SLC6A15: variants seen among roughly 807,000 people sequenced by gnomAD.
SLC6A15 encodes sodium-dependent neutral amino acid transporter B(0)AT2.
A neutral mutation model predicts 68.5 loss-of-function variants in SLC6A15; 33 were observed. The observed-to-expected ratio is 0.48, with a 90% CI of 0.37 to 0.64. The LOEUF (loss-of-function observed/expected upper bound fraction) is 0.64, where lower values mean the gene tolerates loss of function less well. SLC6A15 is among the 30% of genes least tolerant of loss of function. SLC6A15 has a pLI of 0.00. For synonymous variants in SLC6A15, 347 were observed against 301.0 expected, an observed-to-expected ratio of 1.15 and a Z score of -1.58; for missense variants, 747 against 874.3, an observed-to-expected ratio of 0.85 and a Z score of 1.84.
chr12:84,892,285 G>A lies in SLC6A15; in HGVS notation c.-165C>T, dbSNP rs576709979. ...ATAAAGCCTTATGGATTCTGAATCCGTATGTCCAGTATTCTGTAGGTACCT... is the reference window on the plus strand; with the variant it reads ...ATAAAGCCTTATGGATTCTGAATCCATATGTCCAGTATTCTGTAGGTACCT... On this transcript the variant is annotated 5_prime_UTR_variant, in exon 2 of 12. In the 5' UTR this introduces an upstream ATG that the reference lacks. Transcript: ENST00000266682. The A allele has an allele frequency of 1.2e-5, 7 of 591,936 alleles. No homozygotes were observed. Among genetic ancestry groups the A allele is most frequent in the Non-Finnish European group, 2.0e-5 (7 of 351,544 alleles). The allele number at this position is 591,936 out of a possible 1,614,324, so 36.7% of individuals were successfully genotyped here.
Position 84,891,938 on chromosome 12 carries a change from T to G in SLC6A15, c.183A>C (p.Arg61Ser). ...ATTGTAGTTTACTGTTCCAAGCTGG[T>G]CTTTCATCTTCGACTTCAGATCCTT... ...VEEGSEVEDERPAWNSKLQYI... is the reference protein window; with the variant it reads ...VEEGSEVEDESPAWNSKLQYI... The change falls in exon 2 of 12, where the codon AGA becomes AGC. Residue 61 changes from arginine (R) to serine (S), a missense_variant. By Grantham distance (110) the Arg-to-Ser change is moderately radical (BLOSUM62 -1). Coordinates refer to ENST00000266682, the MANE Select transcript of SLC6A15 (RefSeq NM_182767.6). 6.2e-7 allele frequency: 1 copy of G among 1,614,042 alleles called. No homozygotes were observed. Among genetic ancestry groups the G allele is most frequent in the Non-Finnish European group, 8.5e-7 (1 of 1,179,994 alleles).
At chr12:84,873,424 A>G in intron 6 of SLC6A15, 96 bp from the exon 7 acceptor site, 1 of 1,341,162 alleles carries the variant, frequency 7.5e-7, no homozygotes. Context: ...ATACAATGAT[A>G]TTTATGCATC....
chr12:84,876,305 A>G (rs1022021053), intron 6 of SLC6A15, among the ~76,000 whole-genome samples, 192 bp downstream of exon 6: 15 of 152,218 alleles, frequency 9.9e-5, no homozygotes, highest in African/African-American at 2.9e-4. Flanking sequence ...AATGGGATAT[A>G]AAAAATGGAG....
chr12:84,862,340 G>A (rs888883869), intron 11 of SLC6A15, among the ~76,000 whole-genome samples: 3 of 152,172 alleles, frequency 2.0e-5, no homozygotes, highest in Non-Finnish European at 2.9e-5. Flanking sequence ...GAACTGCTCA[G>A]CTCAGCCACA....
chr12:84,879,615 C>T (rs1218852331), intron 5 of SLC6A15, among the ~76,000 whole-genome samples: 1 of 151,748 alleles, frequency 6.6e-6, no homozygotes, highest in African/African-American at 2.4e-5. Flanking sequence ...CGTGAGCCAC[C>T]GCCTGGCCAC....
intron 5 of SLC6A15, among the ~76,000 whole-genome samples, chr12:84,878,068 C>T (rs1445890892): frequency 6.6e-6 from 1 of 151,918 alleles, no homozygotes; most frequent in Non-Finnish European, 1.5e-5. Context: ...CTACAAACAA[C>T]ATTAATATAA....
rs763006733 is a variant in SLC6A15 at position 84,872,770 on chromosome 12, A to C, written c.1134T>G (p.Phe378Leu). 15 of 1,603,110 alleles carry C rather than the reference A, an allele frequency of 9.4e-6. No homozygotes were observed. The highest frequency in any genetic ancestry group is 1.2e-5 in the Non-Finnish European group (14 of 1,177,418). Reference protein sequence around the residue: ...ITQNSETIMKFLKMGNISQDI... With the variant: ...ITQNSETIMKLLKMGNISQDI... ...CCTGACTAATGTTCCCCATTTTCAA[A>C]AATTTCATGATCGTCTCTGAATTTC... The change falls in exon 8 of 12, where the codon TTT becomes TTG. Residue 378 changes from phenylalanine to leucine, a missense_variant. Transcript: ENST00000266682.
chr12:84,891,725 T>A (rs1872404189), intron 2 of SLC6A15, 107 bp downstream of exon 2: 3 of 1,186,728 alleles, frequency 2.5e-6, no homozygotes, highest in Non-Finnish European at 3.5e-6. Flanking sequence ...AGCTTTACAA[T>A]GAAATTGAAA....
intron 6 of SLC6A15, among the ~76,000 whole-genome samples, chr12:84,874,693 A>T (rs1871437237): frequency 6.6e-6 from 1 of 152,150 alleles, no homozygotes; most frequent in African/African-American, 2.4e-5. Flanking sequence ...CCATTGCTAC[A>T]TCATATTCTA....
At chr12:84,907,775 C>A (rs1343257736) in intron 1 of SLC6A15, among the ~76,000 whole-genome samples, 1 of 152,086 alleles carries the variant, frequency 6.6e-6, no homozygotes, top group Non-Finnish European at 1.5e-5. Context: ...TTTACATTAA[C>A]CCTAAACTAG....
chr12:84,906,398 C>A (rs914189076), intron 1 of SLC6A15, among the ~76,000 whole-genome samples: 4 of 152,106 alleles, frequency 2.6e-5, no homozygotes, highest in African/African-American at 9.7e-5. Flanking sequence ...GAATTCCTAT[C>A]AAAATATCAG....
intron 1 of SLC6A15, among the ~76,000 whole-genome samples, chr12:84,897,776 TG>T (rs1229341213): frequency 8.6e-5 from 13 of 151,022 alleles, no homozygotes; most frequent in Admixed American, 7.9e-4. Flanking sequence ...GATGAAGGAG[TG>T]GGGTATGGAG....
At chr12:84,906,590 T>C (rs528415952) in intron 1 of SLC6A15, among the ~76,000 whole-genome samples, 16 of 152,118 alleles carry the variant, frequency 1.1e-4, no homozygotes, top group Admixed American at 3.9e-4. Flanking sequence ...TAGACAAAAA[T>C]GAATGTAACA....
intron 1 of SLC6A15, among the ~76,000 whole-genome samples, chr12:84,899,733 GA>G (rs1872776658): frequency 6.6e-6 from 1 of 151,972 alleles, no homozygotes; most frequent in Non-Finnish European, 1.5e-5. Context: ...AATATGTTGG[GA>G]ACTTTACAGT....
chr12:84,864,521 T>C (rs1405604108), intron 10 of SLC6A15, among the ~76,000 whole-genome samples: 2 of 152,090 alleles, frequency 1.3e-5, no homozygotes, highest in Non-Finnish European at 2.9e-5. Flanking sequence ...CGTTTCACCA[T>C]GTTGGTCAGA....
chr12:84,883,828 G>C (rs752687342), intron 5 of SLC6A15, 31 bp downstream of exon 5: 12 of 1,613,876 alleles, frequency 7.4e-6, no homozygotes, highest in African/African-American at 2.7e-5. Flanking sequence ...ATGGTGATTA[G>C]CAGAATGAGG....
chr12:84,882,602 G>T, intron 5 of SLC6A15: 1 of 352,216 alleles, frequency 2.8e-6, no homozygotes, highest in Non-Finnish European at 4.0e-6. Flanking sequence ...GACGGGGTGA[G>T]ACATTATAGT....
At position 84,870,669 on chromosome 12, in the gene SLC6A15, G is replaced by A. The variant is rs1381210458; in HGVS notation, c.1304C>T (p.Ala435Val). 1.2e-6 allele frequency: 2 copies of A among 1,604,336 alleles called. No homozygotes were observed. Among genetic ancestry groups the A allele is most frequent in the Non-Finnish European group, 1.7e-6 (2 of 1,174,670 alleles). ...AAAAGCTAAGCCGGTCCCCTGAACA[G>A]CCTGCAAAATACACAAAATAGCAAC... ...SCKIEEELNK[A>V]VQGTGLAFIA... The change falls in exon 9 of 12, where the codon GCT (alanine) becomes GTT (valine). Residue 435 changes from alanine to valine, a missense_variant and splice_region_variant. By Grantham distance (64) the Ala-to-Val change is moderately conservative. Coordinates refer to ENST00000266682, the MANE Select transcript of SLC6A15 (RefSeq NM_182767.6).
At chr12:84,870,747 GA>G (rs1158904974) in intron 8 of SLC6A15, 77 bp from the exon 9 acceptor site, 2 of 859,448 alleles carry the variant, frequency 2.3e-6, no homozygotes, top group Non-Finnish European at 3.5e-6. Flanking sequence ...TTACAATGAG[GA>G]GGAAAGATCT....
Sources: allele counts gnomAD v4.1 joint callset (sites outside exome capture counted in the v4.1 genomes callset), GRCh38; gene constraint gnomAD v4.1.1; transcripts MANE v1.5; gene names NCBI Gene and HGNC (gene_info 2026-07-23, HGNC 2026-07-21).